HDHD2: variants seen among roughly 807,000 people sequenced by gnomAD.
The protein encoded by HDHD2 is haloacid dehalogenase like hydrolase domain containing 2.
A neutral mutation model predicts 24.8 loss-of-function variants in HDHD2; 26 were observed. The ratio of observed to expected loss-of-function variants is 1.05; its 90% CI spans 0.77 to 1.45. The LOEUF (loss-of-function observed/expected upper bound fraction) is 1.45. Ranked by LOEUF, HDHD2 falls within the 40% of genes most tolerant of loss-of-function variation. The pLI is 0.00. For synonymous variants in HDHD2, 128 were observed against 114.9 expected, an observed-to-expected ratio of 1.11 and a Z score of -0.73; for missense variants, 299 against 313.4, an observed-to-expected ratio of 0.95 and a Z score of 0.35.
intron 4 of HDHD2, among the ~76,000 whole-genome samples, chr18:47,121,044 T>C (rs2063601302): frequency 6.6e-6 from 1 of 151,594 alleles, no homozygotes; most frequent in East Asian, 1.9e-4. Context: ...AGTGAGCACA[T>C]ACTGTTGGAA....
At chr18:47,145,440 T>C (rs2063859734) in intron 1 of HDHD2, among the ~76,000 whole-genome samples, 1 of 152,162 alleles carries the variant, frequency 6.6e-6, no homozygotes, top group Non-Finnish European at 1.5e-5. Flanking sequence ...AACTGATCAA[T>C]GGAACAGAAA....
intron 4 of HDHD2, among the ~76,000 whole-genome samples, chr18:47,126,788 T>C (rs991450675): frequency 1.3e-5 from 2 of 151,964 alleles, no homozygotes; most frequent in African/African-American, 4.8e-5. Context: ...GCAACTATAC[T>C]TCTGAAAAAA....
chr18:47,135,227 T>A (rs566464576), intron 2 of HDHD2, among the ~76,000 whole-genome samples: 1 of 151,718 alleles, frequency 6.6e-6, no homozygotes, highest in South Asian at 2.1e-4. Flanking sequence ...CCCTAATACC[T>A]GGCACTGTGA....
intron 1 of HDHD2, among the ~76,000 whole-genome samples, chr18:47,146,143 C>G (rs1008482748): frequency 6.6e-6 from 1 of 150,556 alleles, no homozygotes; most frequent in South Asian, 2.1e-4. Context: ...GAAGGAGAAT[C>G]GCTTAAACCT....
intron 4 of HDHD2, among the ~76,000 whole-genome samples, chr18:47,115,775 C>G (rs568555409): frequency 6.6e-6 from 1 of 152,282 alleles, no homozygotes; most frequent in East Asian, 1.9e-4. Flanking sequence ...GATATTAACT[C>G]CTAAAATATC....
chr18:47,113,746 G>T (rs947754843), intron 5 of HDHD2, among the ~76,000 whole-genome samples: 20 of 151,852 alleles, frequency 1.3e-4, no homozygotes, highest in Admixed American at 4.6e-4. Context: ...CATGCCTGAA[G>T]AAAGTTTTTT....
At chr18:47,128,769 C>T (rs897235754) in intron 4 of HDHD2, among the ~76,000 whole-genome samples, 3 of 152,182 alleles carry the variant, frequency 2.0e-5, no homozygotes, top group East Asian at 1.9e-4. Flanking sequence ...ACACGGTAAA[C>T]GGTGGCTGTT....
At chr18:47,114,599 C>G (rs1480875877) in intron 5 of HDHD2, among the ~76,000 whole-genome samples, 1 of 152,226 alleles carries the variant, frequency 6.6e-6, no homozygotes, top group East Asian at 1.9e-4. Flanking sequence ...CACAGGTGAC[C>G]AGCCAGGGCC....
intron 1 of HDHD2, among the ~76,000 whole-genome samples, chr18:47,139,174 G>A (rs2063796017): frequency 6.6e-6 from 1 of 151,928 alleles, no homozygotes; most frequent in Non-Finnish European, 1.5e-5. Context: ...AAAATCCTTT[G>A]TTGGCCGGGC....
At chr18:47,142,762 C>A (rs192676011) in intron 1 of HDHD2, among the ~76,000 whole-genome samples, 1 of 152,182 alleles carries the variant, frequency 6.6e-6, no homozygotes, top group Admixed American at 6.5e-5. Context: ...CCACCCCTCA[C>A]CCCTTTCTAC....
chr18:47,147,350 T>C (rs141521285), intron 1 of HDHD2, among the ~76,000 whole-genome samples: 402 of 152,302 alleles, frequency 2.6e-3, no homozygotes, highest in Admixed American at 6.3e-3. Flanking sequence ...TGACCTTGAA[T>C]TGAAGGATTA....
intron 6 of HDHD2, chr18:47,111,695 C>T: frequency 1.0e-6 from 1 of 985,276 alleles, no homozygotes; most frequent in South Asian, 4.7e-5. Flanking sequence ...CACTTCAGGC[C>T]CCAGGAGCAA....
At chr18:47,110,990 G>A (rs960931912) in intron 6 of HDHD2, 59 of 984,778 alleles carry the variant, frequency 6.0e-5, no homozygotes, top group Admixed American at 4.3e-4. Flanking sequence ...AAATATTTAC[G>A]GTTATTTTCA....
At chr18:47,129,428 C>T (rs1182553856) in intron 4 of HDHD2, among the ~76,000 whole-genome samples, 1 of 152,102 alleles carries the variant, frequency 6.6e-6, no homozygotes, top group African/African-American at 2.4e-5. Flanking sequence ...CTAAACTCAT[C>T]ACCTCTTAAA....
At chr18:47,137,682 T>G (rs1182224088) in intron 1 of HDHD2, among the ~76,000 whole-genome samples, 1 of 152,186 alleles carries the variant, frequency 6.6e-6, no homozygotes, top group Admixed American at 6.5e-5. Context: ...AATCCCTGCA[T>G]ATCTTGTTCA....
chr18:47,110,680 T>G, intron 6 of HDHD2: 1 of 985,318 alleles, frequency 1.0e-6, no homozygotes, highest in South Asian at 4.7e-5. Flanking sequence ...TGAATGGAGC[T>G]GCCTGCATTG....
chr18:47,149,932 C>T (rs1331399908), intron 1 of HDHD2: 2 of 152,576 alleles, frequency 1.3e-5, no homozygotes, highest in Non-Finnish European at 2.9e-5. Context: ...CTGGAAGGCC[C>T]CAACAACAAA....
intron 1 of HDHD2, among the ~76,000 whole-genome samples, chr18:47,138,171 C>CAAAAA (rs58644217): frequency 1.8e-5 from 1 of 54,914 alleles, no homozygotes; most frequent in East Asian, 7.2e-4. Context: ...GATTCTGTCG[C>CAAAAA]AAAAAAAAAA....
At chr18:47,138,538 G>A (rs2063789281) in intron 1 of HDHD2, among the ~76,000 whole-genome samples, 1 of 152,144 alleles carries the variant, frequency 6.6e-6, no homozygotes, top group South Asian at 2.1e-4. Context: ...AAGAATATAT[G>A]GTTTTTACTG....
Sources: allele counts gnomAD v4.1 joint callset (sites outside exome capture counted in the v4.1 genomes callset), GRCh38; gene constraint gnomAD v4.1.1; transcripts MANE v1.5; gene names NCBI Gene and HGNC (gene_info 2026-07-23, HGNC 2026-07-21).